Variants in OR2G6 observed in about 807,000 individuals in gnomAD.
OR2G6 encodes olfactory receptor family 2 subfamily G member 6, also known as olfactory receptor 2G6.
For missense variants in OR2G6, 457 were observed against 391.3 expected (o/e 1.17, Z -1.42); for synonymous variants, 183 against 155.2 (o/e 1.18, Z -1.33).
chr1:248,522,890 G>T lies in OR2G6; in HGVS notation c.*293G>T. Reference sequence around the variant, plus strand: ...TCCTCTTGTCAATCCAAGACCCTGTGTTCTATCTGGAAAAAAATGTTTGTC... The same window carrying T: ...TCCTCTTGTCAATCCAAGACCCTGTTTTCTATCTGGAAAAAAATGTTTGTC... On this transcript the variant is annotated 3_prime_UTR_variant, in exon 2 of 2. Transcript: ENST00000641804. 1 of 313,126 alleles carries T rather than the reference G, an allele frequency of 3.2e-6. No homozygotes were observed. Among genetic ancestry groups the T allele is most frequent in the Non-Finnish European group, 5.8e-6 (1 of 171,352 alleles). The allele number at this position is 313,126 out of a possible 1,614,324, so 19.4% of individuals were successfully genotyped here. A position where few individuals can be genotyped will look rare whatever the true frequency, so the allele number is the denominator to read the frequency against.
chr1:248,522,166 CTG>C lies in OR2G6; in HGVS notation c.521_522del (p.Leu174ArgfsTer6). The C allele has an allele frequency of 6.2e-7, 1 of 1,614,192 alleles. No homozygotes were observed. Among genetic ancestry groups the C allele is most frequent in the Non-Finnish European group, 8.5e-7 (1 of 1,180,030 alleles). On this transcript the variant is annotated frameshift_variant, in exon 2 of 2. Coordinates refer to ENST00000641804, the MANE Select transcript of OR2G6 (RefSeq NM_001013355.2). LOFTEE classifies it low-confidence loss of function (END_TRUNC). ...VQLPLCGHRTLDHIFCEVPVL... is the reference protein window; with the variant it reads ...VQLPLCGHRTXDHIFCEVPVL... ...GCTGCCCCTCTGTGGTCATCGCACA[CTG>C]GATCATATTTTCTGTGAGGTGCCAG...
In OR2G6 at chr1:248,521,674, A is replaced by G. The variant is rs371373148; in HGVS notation, c.28A>G (p.Lys10Glu). Residue 10 changes from lysine (K) to glutamate (E), a missense_variant, in exon 2 of 2, where the codon AAG (lysine) becomes GAG (glutamate). By Grantham distance (56) the Lys-to-Glu change is moderately conservative (BLOSUM62 1). Coordinates refer to ENST00000641804, the MANE Select transcript of OR2G6 (RefSeq NM_001013355.2). MEETNNSSE[K>E]GFLLLGFSDQ... ...GGAGGAAACCAACAACAGCTCTGAA[A>G]AGGGATTTCTTCTCCTGGGATTTTC... 8.1e-6 allele frequency: 13 copies of G among 1,613,908 alleles called. 1 individual carries two copies. In the East Asian group the frequency reaches 2.5e-4, roughly 30 times the overall value.
At position 248,522,376 on chromosome 1, in the gene OR2G6, C is replaced by T. The variant is rs951129803; in HGVS notation, c.730C>T (p.His244Tyr). 2 of 1,614,186 alleles carry T rather than the reference C, an allele frequency of 1.2e-6. No individual in the cohort carries two copies. The highest frequency in any genetic ancestry group is 1.7e-5 in the Admixed American group (1 of 60,024). Reference sequence around the variant, plus strand: ...AAAGGCCTTTGGGACCTGTTCGTCTCACCTGGTTGTGGTCATCATTTTCTA... The same window carrying T: ...AAAGGCCTTTGGGACCTGTTCGTCTTACCTGGTTGTGGTCATCATTTTCTA... The part of the protein sequence containing the change: ...RQKAFGTCSS[H>Y]LVVVIIFYGT... The change falls in exon 2 of 2, where the codon CAC becomes TAC. Residue 244 changes from histidine to tyrosine, a missense_variant. Coordinates refer to ENST00000641804, the MANE Select transcript of OR2G6 (RefSeq NM_001013355.2).
rs1282252484 is a variant in OR2G6 at position 248,522,486 on chromosome 1, A to G, written c.840A>G (p.Ile280Met). 1.9e-6 allele frequency: 3 copies of G among 1,613,658 alleles called. No homozygotes were observed. The highest frequency in any genetic ancestry group is 1.3e-5 in the African/African-American group (1 of 74,844). Residue 280 changes from isoleucine to methionine, a missense_variant, in exon 2 of 2, where the codon ATA becomes ATG. Ile to Met is a conservative substitution (Grantham distance 10). Coordinates refer to ENST00000641804, the MANE Select transcript of OR2G6 (RefSeq NM_001013355.2). The part of the protein sequence containing the change: ...QGKFVSLFYT[I>M]VTPLLNPIIY... ...AGTTTGTTTCTCTTTTCTATACCAT[A>G]GTCACCCCACTTTTAAACCCCATTA...
intron 1 of OR2G6, among the ~76,000 whole-genome samples, chr1:248,519,586 G>T (rs1664237338): frequency 1.3e-5 from 2 of 152,038 alleles, no homozygotes; most frequent in South Asian, 4.2e-4. Context: ...ATTAAACAGG[G>T]AATTTTTTTT....
rs1208390928 is a variant in OR2G6 at position 248,524,099 on chromosome 1, A to T, written c.*1502A>T. On this transcript the variant is annotated 3_prime_UTR_variant, in exon 2 of 2. Coordinates refer to ENST00000641804, the MANE Select transcript of OR2G6 (RefSeq NM_001013355.2). ...TAATAATTCATCCTGGTGTGAGAAT[A>T]TTGTAGCCTGTCTACGAATGTTAAG... The T allele has an allele frequency of 2.0e-5, 3 of 152,120 alleles. No individual in the cohort carries two copies. The highest frequency in any genetic ancestry group is 2.0e-4 in the Admixed American group (3 of 15,276). The allele number at this position is 152,120 out of a possible 1,614,324, so 9.4% of individuals were successfully genotyped here.
Position 248,522,314 on chromosome 1 carries a change from A to C in OR2G6, c.668A>C (p.Gln223Pro), listed in dbSNP as rs1468246938. The change falls in exon 2 of 2, where the codon CAA becomes CCA. Residue 223 changes from glutamine to proline, a missense_variant. By Grantham distance (76) the Gln-to-Pro change is moderately conservative. Transcript: ENST00000641804. ...LILVSYGFIT[Q>P]AVLRIKSAAG... ...TTAGTCTCCTATGGCTTTATCACTCAAGCTGTGTTAAGGATAAAATCAGCT... is the reference window on the plus strand; with the variant it reads ...TTAGTCTCCTATGGCTTTATCACTCCAGCTGTGTTAAGGATAAAATCAGCT... The C allele has an allele frequency of 6.2e-7, 1 of 1,614,092 alleles. No homozygotes were observed. Among genetic ancestry groups the C allele is most frequent in the Non-Finnish European group, 8.5e-7 (1 of 1,180,012 alleles).
Position 248,521,904 on chromosome 1 carries a change from TAAG to T in OR2G6, c.261_263del (p.Lys88del). 1 of 1,614,116 alleles carries T rather than the reference TAAG, an allele frequency of 6.2e-7. No individual in the cohort carries two copies. Among genetic ancestry groups the T allele is most frequent in the Non-Finnish European group, 8.5e-7 (1 of 1,180,018 alleles). On this transcript the variant is annotated inframe_deletion, in exon 2 of 2. Coordinates refer to ENST00000641804, the MANE Select transcript of OR2G6 (RefSeq NM_001013355.2). ...CCCCACAGTTGCTGGTTACCATGAA[TAAG>T]AAAGACAAAACCATGAGCTACGGTG...
At chr1:248,509,254 C>T (rs1455951259) in intron 1 of OR2G6, among the ~76,000 whole-genome samples, 3 of 7,344 alleles carry the variant, frequency 4.1e-4, no homozygotes, top group African/African-American at 3.0e-3. Flanking sequence ...CTATAGAACA[C>T]GCAGGGAAAA....
In OR2G6 at chr1:248,526,869, T is replaced by A. The variant is rs958394528; in HGVS notation, c.*4272T>A. 1 of 152,154 alleles carries A rather than the reference T, an allele frequency of 6.6e-6. No individual in the cohort carries two copies. Among genetic ancestry groups the A allele is most frequent in the Non-Finnish European group, 1.5e-5 (1 of 68,028 alleles). The allele number at this position is 152,154 out of a possible 1,614,324, so 9.4% of individuals were successfully genotyped here. A position where few individuals can be genotyped will look rare whatever the true frequency, so the allele number is the denominator to read the frequency against. On this transcript the variant is annotated 3_prime_UTR_variant, in exon 2 of 2. Transcript: ENST00000641804. Reference sequence around the variant, plus strand: ...TTTTTTCTTGTAAATTTGTTTGAGTTCTTTGTAGATTCTGGATATTATCCC... The same window carrying A: ...TTTTTTCTTGTAAATTTGTTTGAGTACTTTGTAGATTCTGGATATTATCCC...
In OR2G6 at chr1:248,522,298, T is replaced by G. The variant is rs150737829; in HGVS notation, c.652T>G (p.Tyr218Asp). 1.9e-6 allele frequency: 3 copies of G among 1,614,194 alleles called. No individual in the cohort carries two copies. In the African/African-American group the frequency reaches 4.0e-5, roughly 22 times the overall value. Residue 218 changes from tyrosine to aspartate, a missense_variant, in exon 2 of 2, where the codon TAT (tyrosine) becomes GAT (aspartate). Coordinates refer to ENST00000641804, the MANE Select transcript of OR2G6 (RefSeq NM_001013355.2). ...CCCGGTGTTACTCATCTTAGTCTCC[T>G]ATGGCTTTATCACTCAAGCTGTGTT... ...IVPVLLILVS[Y>D]GFITQAVLRI...
At chr1:248,521,180 G>A (rs964201815) in intron 1 of OR2G6, among the ~76,000 whole-genome samples, 11 of 151,782 alleles carry the variant, frequency 7.2e-5, no homozygotes, top group Admixed American at 3.3e-4. Context: ...CAGAGATCAC[G>A]GCACTGTACT....
At chr1:248,521,586 C>A in intron 1 of OR2G6, 25 bp from the exon 2 acceptor site, 1 of 1,216,098 alleles carries the variant, frequency 8.2e-7, no homozygotes, top group Non-Finnish European at 1.2e-6. Context: ...TCATTACTTT[C>A]TATCCCCAAA....
chr1:248,522,632 C>A lies in OR2G6; in HGVS notation c.*35C>A. 2 of 1,423,796 alleles carry A rather than the reference C, an allele frequency of 1.4e-6. No individual in the cohort carries two copies. The highest frequency in any genetic ancestry group is 1.9e-6 in the Non-Finnish European group (2 of 1,041,120). The allele number at this position is 1,423,796 out of a possible 1,614,324, so 88.2% of individuals were successfully genotyped here. On this transcript the variant is annotated 3_prime_UTR_variant, in exon 2 of 2. Transcript: ENST00000641804. ...GGAATTCTAAACAAGGGAAACACCT[C>A]AAGGCAGAGTGAGGGTTCATCCTCC...
chr1:248,527,232 C>T lies in OR2G6; in HGVS notation c.*4635C>T, dbSNP rs1022458702. ...TATGGCTAGTCAGTTTTCCCAGCAC[C>T]ATTTGTTAAATAGGGAATCCTTTCC... On this transcript the variant is annotated 3_prime_UTR_variant, in exon 2 of 2. Coordinates refer to ENST00000641804, the MANE Select transcript of OR2G6 (RefSeq NM_001013355.2). 6.6e-6 allele frequency: 1 copy of T among 152,114 alleles called. No homozygotes were observed. The highest frequency in any genetic ancestry group is 2.4e-5 in the African/African-American group (1 of 41,404). The allele number at this position is 152,114 out of a possible 1,614,324, so 9.4% of individuals were successfully genotyped here.
intron 1 of OR2G6, among the ~76,000 whole-genome samples, chr1:248,519,652 T>C (rs916308835): frequency 2.0e-5 from 3 of 152,034 alleles, no homozygotes; most frequent in Non-Finnish European, 2.9e-5. Context: ...AGATGTGCGG[T>C]GTTATTTCCG....
intron 1 of OR2G6, among the ~76,000 whole-genome samples, chr1:248,521,354 A>G (rs1385712978): frequency 2.0e-5 from 3 of 152,216 alleles, no homozygotes; most frequent in African/African-American, 7.2e-5. Flanking sequence ...AAGTACAAGA[A>G]TAAGCAAAGA....
rs1240455560 is a variant in OR2G6, at chr1:248,521,823, G to A, written c.177G>A (p.Met59Ile). ...TGGACTCCAGACTCCACACTCCAAT[G>A]TACTTCTTCCTCAGCAACCTCTCGT... Reference protein sequence around the residue: ...CCLDSRLHTPMYFFLSNLSCV... With the variant: ...CCLDSRLHTPIYFFLSNLSCV... Residue 59 changes from methionine to isoleucine, a missense_variant, in exon 2 of 2, where the codon ATG becomes ATA. Transcript: ENST00000641804. The A allele has an allele frequency of 6.2e-7, 1 of 1,614,094 alleles. No individual in the cohort carries two copies. The highest frequency in any genetic ancestry group is 1.1e-5 in the South Asian group (1 of 91,084).
In OR2G6 at chr1:248,523,663, CTGATT is replaced by C. The variant is rs1383523445; in HGVS notation, c.*1068_*1072del. On this transcript the variant is annotated 3_prime_UTR_variant, in exon 2 of 2. Transcript: ENST00000641804. The stretch of plus-strand genomic sequence containing the variant: ...TTATATTTGACCAAACTTTTACTTT[CTGATT>C]TAATTCTGTCTCTATCTCTCTGTGT... The C allele has an allele frequency of 1.2e-5, 1 of 83,924 alleles. No homozygotes were observed. The highest frequency in any genetic ancestry group is 3.7e-4 in the South Asian group (1 of 2,688). The allele number at this position is 83,924 out of a possible 1,614,324, so 5.2% of individuals were successfully genotyped here. A position where few individuals can be genotyped will look rare whatever the true frequency, so the allele number is the denominator to read the frequency against.
Sources: gnomAD v4.1 joint callset for allele counts (sites outside exome capture counted in the v4.1 genomes callset) on GRCh38, gnomAD v4.1.1 for gene constraint, MANE v1.5 for transcripts, NCBI Gene and HGNC (gene_info 2026-07-23, HGNC 2026-07-21) for gene names.